CYRIB: variants seen among roughly 807,000 people sequenced by gnomAD.
The protein encoded by CYRIB is CYFIP related Rac1 interactor B.
A neutral mutation model predicts 44.2 loss-of-function variants in CYRIB; 8 were observed. The observed-to-expected ratio is 0.18, with a 90% CI of 0.11 to 0.33. CYRIB has a LOEUF of 0.33. Ranked by LOEUF, CYRIB falls within the 10% of genes least tolerant of loss-of-function variation. The probability of loss-of-function intolerance (pLI) is 1.00; values close to 1 mark genes in which losing one functional copy is unlikely to be tolerated. For missense variants in CYRIB, 185 were observed against 382.8 expected, an observed-to-expected ratio of 0.48 and a Z score of 4.31; for synonymous variants, 131 against 127.2, an observed-to-expected ratio of 1.03 and a Z score of -0.20.
At chr8:129,952,405 A>G (rs1380330634) in intron 2 of CYRIB, among the ~76,000 whole-genome samples, 2 of 152,178 alleles carry the variant, frequency 1.3e-5, no homozygotes, top group African/African-American at 4.8e-5. Context: ...ATATGTATGT[A>G]TACAATAAAT....
At chr8:129,984,557 C>T (rs1242688068) in intron 1 of CYRIB, among the ~76,000 whole-genome samples, 1 of 152,170 alleles carries the variant, frequency 6.6e-6, no homozygotes, top group Non-Finnish European at 1.5e-5. Context: ...GGCTCATTCT[C>T]CTCCCTGTAC....
chr8:129,924,109 CAAA>C (rs3076956), intron 1 of CYRIB, among the ~76,000 whole-genome samples: 110 of 115,904 alleles, frequency 9.5e-4, no homozygotes, highest in Admixed American at 1.6e-3. Flanking sequence ...ATCTCCACCC[CAAA>C]AAAAAAAAAA....
intron 2 of CYRIB, among the ~76,000 whole-genome samples, chr8:129,955,862 G>A (rs2131508185): frequency 6.6e-6 from 1 of 152,278 alleles, no homozygotes; most frequent in Non-Finnish European, 1.5e-5. Flanking sequence ...GTTGCAAAAT[G>A]TGCTTCTAAG....
intron 1 of CYRIB, among the ~76,000 whole-genome samples, chr8:129,980,147 A>G (rs2096151612): frequency 6.6e-6 from 1 of 150,544 alleles, no homozygotes; most frequent in Non-Finnish European, 1.5e-5. Context: ...ATTGTTTTTA[A>G]TGGGCCAGAG....
chr8:129,946,218 C>A (rs896936081), intron 2 of CYRIB, among the ~76,000 whole-genome samples: 1 of 152,118 alleles, frequency 6.6e-6, no homozygotes, highest in Non-Finnish European at 1.5e-5. Flanking sequence ...TGTTATTGCC[C>A]AATTGTCCTT....
intron 3 of CYRIB, among the ~76,000 whole-genome samples, chr8:129,877,580 C>G (rs2059492079): frequency 1.3e-5 from 2 of 149,858 alleles, no homozygotes; most frequent in South Asian, 4.2e-4. Context: ...GCCAGGTAGG[C>G]AGAGGTTGCA....
intron 4 of CYRIB, among the ~76,000 whole-genome samples, chr8:129,867,955 T>C (rs1179084985): frequency 6.6e-6 from 1 of 152,204 alleles, no homozygotes; most frequent in Non-Finnish European, 1.5e-5. Context: ...CTAACTGAGA[T>C]TACTGTTTCT....
intron 1 of CYRIB, among the ~76,000 whole-genome samples, chr8:129,985,979 T>C (rs2096441529): frequency 6.6e-6 from 1 of 152,108 alleles, no homozygotes; most frequent in East Asian, 1.9e-4. Flanking sequence ...GGCTGGGAAG[T>C]AGCTGCTGCC....
intron 2 of CYRIB, among the ~76,000 whole-genome samples, chr8:129,945,754 A>T (rs1441487544): frequency 6.6e-6 from 1 of 151,988 alleles, no homozygotes; most frequent in Non-Finnish European, 1.5e-5. Context: ...TGCATTTTTA[A>T]TAGAGACAGG....
intron 1 of CYRIB, among the ~76,000 whole-genome samples, chr8:129,998,073 A>T (rs956991068): frequency 6.7e-6 from 1 of 148,830 alleles, no homozygotes; most frequent in Non-Finnish European, 1.5e-5. Context: ...GTGAGCTGAG[A>T]TCGCTCCACT....
intron 5 of CYRIB, among the ~76,000 whole-genome samples, chr8:129,857,580 C>T (rs7007654): frequency 0.022 from 3,297 of 152,274 alleles, 136 homozygotes; most frequent in African/African-American, 0.073. Flanking sequence ...GAGAAATCAT[C>T]TAAGCAGAGG....
chr8:129,974,411 T>C (rs2095836119), intron 1 of CYRIB, among the ~76,000 whole-genome samples: 1 of 152,138 alleles, frequency 6.6e-6, no homozygotes, highest in African/African-American at 2.4e-5. Flanking sequence ...AGCTTTCCTT[T>C]CTCTGACCAA....
chr8:130,002,775 G>C (rs748073958), intron 1 of CYRIB, among the ~76,000 whole-genome samples: 21 of 152,222 alleles, frequency 1.4e-4, no homozygotes, highest in Non-Finnish European at 2.8e-4. Flanking sequence ...CAGACACTTA[G>C]ATTATTTCCA....
intron 1 of CYRIB, among the ~76,000 whole-genome samples, chr8:129,921,546 C>T (rs1019589943): frequency 6.6e-6 from 1 of 152,084 alleles, no homozygotes; most frequent in African/African-American, 2.4e-5. Flanking sequence ...GCCTTAATCT[C>T]CCAGGATCAC....
At chr8:129,846,332 A>G (rs181180356) in intron 11 of CYRIB, among the ~76,000 whole-genome samples, 1 of 152,328 alleles carries the variant, frequency 6.6e-6, no homozygotes, top group Admixed American at 6.5e-5. Flanking sequence ...ACTTTGTAAG[A>G]TATTATTTTG....
At chr8:129,840,092 G>T in exon 12 of CYRIB, 1 of 163,572 alleles carries the variant, frequency 6.1e-6, no homozygotes. Flanking sequence ...TGTTTTACGA[G>T]ATACATGTAT....
chr8:129,903,505 C>T (rs967818702), intron 1 of CYRIB, among the ~76,000 whole-genome samples, 155 bp from the exon 4 acceptor site: 3 of 152,182 alleles, frequency 2.0e-5, no homozygotes, highest in Non-Finnish European at 4.4e-5. Context: ...CTTGGATTAA[C>T]TCAACCACCA....
intron 2 of CYRIB, among the ~76,000 whole-genome samples, chr8:129,960,456 A>G (rs889506951): frequency 6.6e-6 from 1 of 151,982 alleles, no homozygotes; most frequent in Non-Finnish European, 1.5e-5. Flanking sequence ...TTAGCTGGGC[A>G]TGGTGGCGGG....
chr8:129,929,538 T>C (rs2090028731), intron 1 of CYRIB, among the ~76,000 whole-genome samples: 1 of 152,212 alleles, frequency 6.6e-6, no homozygotes, highest in Non-Finnish European at 1.5e-5. Flanking sequence ...TAAAATTGTT[T>C]TTAAAAAGAT....
Sources: gnomAD v4.1 joint callset for allele counts (sites outside exome capture counted in the v4.1 genomes callset) on GRCh38, gnomAD v4.1.1 for gene constraint, MANE v1.5 for transcripts, NCBI Gene and HGNC (gene_info 2026-07-23, HGNC 2026-07-21) for gene names.